Variants in PCDH9 observed in about 807,000 individuals in gnomAD.
PCDH9 encodes the protein protocadherin 9.
Under a neutral mutation model 70.6 loss-of-function variants are expected in PCDH9, and 24 were observed. The observed-to-expected ratio is 0.34, with a 90% CI of 0.25 to 0.48. The LOEUF (loss-of-function observed/expected upper bound fraction) is 0.48. Among genes scored for constraint, PCDH9 ranks in the 20% least tolerant of loss-of-function variants. The probability of loss-of-function intolerance (pLI) is 0.99; values close to 1 mark genes in which losing one functional copy is unlikely to be tolerated. For synonymous variants in PCDH9, 562 were observed against 558.5 expected (o/e 1.01, Z -0.09); for missense variants, 1,281 against 1,503.6 (o/e 0.85, Z 2.45).
In PCDH9 at chr13:66,763,123, C is replaced by T. The variant is rs118116997; in HGVS notation, c.3139-131712G>A. ...TGGAACTATGGGTTCCCAGCTAAGA[C>T]TACTTAAATTTTTTGTGTATATATT... On this transcript the variant is annotated intron_variant, in intron 3 of 4. Transcript: ENST00000377865. Among the ~76,000 whole-genome samples, 1,344 of 151,730 alleles carry T rather than the reference C, an allele frequency of 8.9e-3. 17 individuals are homozygous for T. The highest frequency in any genetic ancestry group is 0.014 in the Non-Finnish European group (934 of 67,960).
chr13:66,886,802 ATTAT>A (rs1053622909), intron 3 of PCDH9, among the ~76,000 whole-genome samples: 48 of 152,254 alleles, frequency 3.2e-4, no homozygotes, highest in African/African-American at 1.1e-3. Context: ...GTTTTTCAAA[ATTAT>A]TTAACATTCA....
chr13:66,610,040 C>T lies in PCDH9; in HGVS notation c.3340+21170G>A, dbSNP rs2077273308. ...TGGCGAGATCTCGGCTCACTGCAAG[C>T]TCCGCCTCCCGGGTTCACGCCATTC... On this transcript the variant is annotated intron_variant, in intron 4 of 4. Coordinates refer to ENST00000377865, the MANE Select transcript of PCDH9 (RefSeq NM_203487.3). 1.3e-5 allele frequency among the ~76,000 whole-genome samples: 2 copies of T among 149,620 alleles called. 1 individual carries two copies.
rs891955452 is a variant in PCDH9, at chr13:66,670,619, G to A, written c.3139-39208C>T. ...ACTCAGTTAAATGAGAAGAGGAAGGGAAGTGTAAGGAAAGATGAAAATTGT... is the reference window on the plus strand; with the variant it reads ...ACTCAGTTAAATGAGAAGAGGAAGGAAAGTGTAAGGAAAGATGAAAATTGT... On this transcript the variant is annotated intron_variant, in intron 3 of 4. Transcript: ENST00000377865. Among the ~76,000 whole-genome samples, 16 of 152,208 alleles carry A rather than the reference G, an allele frequency of 1.1e-4. No homozygotes were observed. In the East Asian group the frequency reaches 3.1e-3, roughly 29 times the overall value.
At chr13:66,357,425 A>T (rs899345766) in intron 4 of PCDH9, among the ~76,000 whole-genome samples, 8 of 152,096 alleles carry the variant, frequency 5.3e-5, no homozygotes, top group African/African-American at 1.7e-4. Flanking sequence ...TATTTTCCCC[A>T]TAAAAGTAGG....
chr13:66,941,819 C>A (rs758964956), intron 2 of PCDH9, among the ~76,000 whole-genome samples: 5 of 151,872 alleles, frequency 3.3e-5, no homozygotes, highest in African/African-American at 4.8e-5. Context: ...AATCAACTAA[C>A]TTGATGCAAC....
chr13:66,660,932 C>G (rs1214221928), intron 3 of PCDH9, among the ~76,000 whole-genome samples: 1 of 151,408 alleles, frequency 6.6e-6, no homozygotes, highest in Non-Finnish European at 1.5e-5. Flanking sequence ...TTGTTATTTA[C>G]AATATGCTAT....
At chr13:67,106,888 A>G (rs1416175619) in intron 2 of PCDH9, among the ~76,000 whole-genome samples, 2 of 152,198 alleles carry the variant, frequency 1.3e-5, no homozygotes, top group African/African-American at 2.4e-5. Flanking sequence ...GTGGGCACTC[A>G]GGATGGTGCT....
At chr13:66,758,866 C>T (rs1437910823) in intron 3 of PCDH9, among the ~76,000 whole-genome samples, 1 of 151,984 alleles carries the variant, frequency 6.6e-6, no homozygotes, top group Non-Finnish European at 1.5e-5. Flanking sequence ...TATATGTCTT[C>T]AAGAATTTAT....
intron 3 of PCDH9, among the ~76,000 whole-genome samples, chr13:66,679,538 T>G (rs1339902590): frequency 6.6e-6 from 1 of 151,636 alleles, no homozygotes; most frequent in Admixed American, 6.6e-5. Context: ...TGTGTTTAAT[T>G]TTTTTTTGCT....
intron 3 of PCDH9, among the ~76,000 whole-genome samples, chr13:66,736,018 T>G (rs556749210): frequency 3.9e-5 from 6 of 152,134 alleles, no homozygotes; most frequent in African/African-American, 1.4e-4. Context: ...AATATTCAGT[T>G]CATATGCTGG....
intron 2 of PCDH9, among the ~76,000 whole-genome samples, chr13:66,944,648 A>C (rs1418912744): frequency 1.3e-5 from 2 of 152,122 alleles, no homozygotes; most frequent in Non-Finnish European, 2.9e-5. Context: ...ACTTTATGCT[A>C]TGCTTACTTC....
At chr13:67,075,524 T>A (rs2085861141) in intron 2 of PCDH9, among the ~76,000 whole-genome samples, 2 of 152,116 alleles carry the variant, frequency 1.3e-5, no homozygotes, top group Non-Finnish European at 2.9e-5. Context: ...CTGGAGGGAC[T>A]GAGGAATCAT....
At chr13:67,161,273 GT>G (rs1475240344) in intron 2 of PCDH9, among the ~76,000 whole-genome samples, 3 of 152,140 alleles carry the variant, frequency 2.0e-5, no homozygotes, top group Admixed American at 2.0e-4. Context: ...AAACCTCCCA[GT>G]TAATGAAATA....
chr13:66,524,994 G>C (rs1398757091), intron 4 of PCDH9, among the ~76,000 whole-genome samples: 1 of 152,032 alleles, frequency 6.6e-6, no homozygotes, highest in Non-Finnish European at 1.5e-5. Context: ...GAGAGAAAGA[G>C]AGACAGAGAG....
chr13:66,496,150 C>A (rs1463191409), intron 4 of PCDH9, among the ~76,000 whole-genome samples: 1 of 152,146 alleles, frequency 6.6e-6, no homozygotes, highest in East Asian at 1.9e-4. Flanking sequence ...ACTTGGTTGA[C>A]CCGTGCTGAA....
intron 3 of PCDH9, among the ~76,000 whole-genome samples, chr13:66,657,414 A>C (rs895027286): frequency 2.6e-5 from 4 of 152,144 alleles, no homozygotes; most frequent in Non-Finnish European, 5.9e-5. Flanking sequence ...CTATGATCTC[A>C]AGCATTTCAG....
chr13:67,028,904 C>T (rs778241619), intron 2 of PCDH9, among the ~76,000 whole-genome samples: 4 of 152,058 alleles, frequency 2.6e-5, no homozygotes, highest in Admixed American at 6.6e-5. Context: ...ATGTAGACTG[C>T]CAGAGTTGAA....
chr13:66,438,386 G>T (rs1402178030), intron 4 of PCDH9, among the ~76,000 whole-genome samples: 1 of 152,044 alleles, frequency 6.6e-6, no homozygotes. Flanking sequence ...TGAACAAATT[G>T]GGCATTCCCT....
At chr13:66,443,860 A>G (rs979926465) in intron 4 of PCDH9, among the ~76,000 whole-genome samples, 1 of 152,196 alleles carries the variant, frequency 6.6e-6, no homozygotes, top group South Asian at 2.1e-4. Flanking sequence ...AATTAGAAAA[A>G]TAATCATTCA....
Sources: allele counts gnomAD v4.1 joint callset (sites outside exome capture counted in the v4.1 genomes callset), GRCh38; gene constraint gnomAD v4.1.1; transcripts MANE v1.5; gene names NCBI Gene and HGNC (gene_info 2026-07-23, HGNC 2026-07-21).